Variants in CAST observed in about 807,000 individuals in gnomAD.
CAST encodes the protein calpastatin.
CAST carries 76 observed loss-of-function variants against 119.6 expected under a neutral mutation model. That is an observed-to-expected ratio of 0.64 (90% CI 0.53 to 0.77). CAST has a LOEUF of 0.77. Among genes scored for constraint, CAST ranks in the 30% least tolerant of loss-of-function variants. The probability of loss-of-function intolerance (pLI) is 0.00; values close to 1 mark genes in which losing one functional copy is unlikely to be tolerated. For synonymous variants in CAST, 319 were observed against 331.6 expected, an observed-to-expected ratio of 0.96 and a Z score of 0.41; for missense variants, 953 against 946.5, an observed-to-expected ratio of 1.01 and a Z score of -0.09.
chr5:96,206,607 T>C, the CAST span, among the ~76,000 whole-genome samples: 1 of 152,128 alleles, frequency 6.6e-6, no homozygotes, highest in Admixed American at 6.6e-5. Context: ...AAAGATCAGA[T>C]GGTTGTAGGT....
intron 2 of CAST, among the ~76,000 whole-genome samples, chr5:96,695,170 G>A (rs551156696): frequency 1.3e-5 from 2 of 152,092 alleles, no homozygotes; most frequent in South Asian, 2.1e-4. Context: ...CCCATAAAGT[G>A]GAGATAACAA....
chr5:96,673,491 T>C (rs1250369343), intron 1 of CAST, among the ~76,000 whole-genome samples: 1 of 152,204 alleles, frequency 6.6e-6, no homozygotes, highest in Admixed American at 6.5e-5. Context: ...TTAGGTATGG[T>C]CTGATGAGAG....
At chr5:96,599,832 C>T (rs964515444) in intron 1 of CAST, among the ~76,000 whole-genome samples, 8 of 152,134 alleles carry the variant, frequency 5.3e-5, no homozygotes, top group Non-Finnish European at 7.4e-5. Context: ...ACAACCCATA[C>T]ACTTTTCTCC....
At chr5:96,341,106 G>A in the CAST span, among the ~76,000 whole-genome samples, 5 of 152,162 alleles carry the variant, frequency 3.3e-5, no homozygotes, top group Non-Finnish European at 7.3e-5. Flanking sequence ...GAGATTCTAT[G>A]CAGAAGGATA....
the CAST span, among the ~76,000 whole-genome samples, chr5:96,029,151 A>C: frequency 1.3e-5 from 2 of 152,168 alleles, no homozygotes; most frequent in Non-Finnish European, 2.9e-5. Flanking sequence ...AGGCTATACA[A>C]TGGGAATACT....
intron 20 of CAST, among the ~76,000 whole-genome samples, chr5:96,752,789 A>C (rs1283002887): frequency 6.6e-6 from 1 of 151,960 alleles, no homozygotes; most frequent in Non-Finnish European, 1.5e-5. Context: ...GTGAGGTCAG[A>C]GATTTTAATA....
At chr5:96,537,681 G>A (rs918162342) in intron 1 of CAST, among the ~76,000 whole-genome samples, 18 of 152,050 alleles carry the variant, frequency 1.2e-4, no homozygotes, top group African/African-American at 4.3e-4. Flanking sequence ...TCTTTGAAGC[G>A]GCAGAAAAAC....
At chr5:96,173,404 A>G in the CAST span, among the ~76,000 whole-genome samples, 1 of 152,254 alleles carries the variant, frequency 6.6e-6, no homozygotes. Context: ...ATTTGCAAAA[A>G]GTACACAAAG....
rs189583907 is a variant in CAST at position 96,543,017 on chromosome 5, G to A, written c.60+13137G>A. ...AGAACCAGAAATAACATTTGACCCA[G>A]CCATCCCATTACTGGATATATACCC... On this transcript the variant is annotated intron_variant, in intron 1 of 11. Transcript: ENST00000505143. Among the ~76,000 whole-genome samples, 203 of 152,258 alleles carry A rather than the reference G, an allele frequency of 1.3e-3. 1 individual carries two copies. The highest frequency in any genetic ancestry group is 4.7e-3 in the African/African-American group (195 of 41,534).
chr5:96,011,826 CT>C, the CAST span, among the ~76,000 whole-genome samples: 3 of 152,062 alleles, frequency 2.0e-5, no homozygotes, highest in Admixed American at 6.6e-5. Flanking sequence ...AATAATAATG[CT>C]TGTTATGGGA....
the CAST span, among the ~76,000 whole-genome samples, chr5:96,125,120 C>T: frequency 6.6e-6 from 1 of 152,160 alleles, no homozygotes. Flanking sequence ...AAATGAGACT[C>T]TGATTCTATG....
chr5:96,121,566 C>T, the CAST span, among the ~76,000 whole-genome samples: 14 of 151,758 alleles, frequency 9.2e-5, no homozygotes, highest in Admixed American at 7.9e-4. Context: ...ACACAGTCAG[C>T]GTTTTGGCGG....
chr5:96,262,379 G>A, the CAST span, among the ~76,000 whole-genome samples: 1 of 152,110 alleles, frequency 6.6e-6, no homozygotes, highest in Non-Finnish European at 1.5e-5. Flanking sequence ...TATGCTGAGT[G>A]CTGTGCTCTG....
chr5:96,479,793 A>T, the CAST span, among the ~76,000 whole-genome samples: 1 of 152,122 alleles, frequency 6.6e-6, no homozygotes, highest in East Asian at 1.9e-4. Context: ...CATGGGCCTT[A>T]CAGTCTATGG....
the CAST span, among the ~76,000 whole-genome samples, chr5:96,403,710 C>T: frequency 1.3e-5 from 2 of 152,130 alleles, no homozygotes; most frequent in African/African-American, 4.8e-5. Context: ...GACAAAATTC[C>T]AGAGTGAAAA....
chr5:96,597,380 T>C (rs115432031), intron 1 of CAST, among the ~76,000 whole-genome samples: 534 of 152,310 alleles, frequency 3.5e-3, no homozygotes, highest in African/African-American at 0.012. Flanking sequence ...GGAGAAAATA[T>C]TTTGTGTAAA....
the CAST span, among the ~76,000 whole-genome samples, chr5:95,982,933 C>T: frequency 5.9e-5 from 9 of 152,054 alleles, no homozygotes; most frequent in Middle Eastern, 3.4e-3. Flanking sequence ...GAAAATAATT[C>T]GGTTATTCAT....
intron 1 of CAST, among the ~76,000 whole-genome samples, chr5:96,654,454 G>A (rs1481062202): frequency 2.6e-5 from 4 of 152,122 alleles, no homozygotes; most frequent in Non-Finnish European, 4.4e-5. Flanking sequence ...AAAACCTCAC[G>A]TGTAGTGTGC....
At chr5:96,162,450 C>G in the CAST span, among the ~76,000 whole-genome samples, 2 of 152,112 alleles carry the variant, frequency 1.3e-5, no homozygotes, top group African/African-American at 4.8e-5. Flanking sequence ...CAGTGTCTTG[C>G]TCTGTCGCCC....
Sources: gnomAD v4.1 joint callset for allele counts (sites outside exome capture counted in the v4.1 genomes callset) on GRCh38, gnomAD v4.1.1 for gene constraint, MANE v1.5 for transcripts, NCBI Gene and HGNC (gene_info 2026-07-23, HGNC 2026-07-21) for gene names.